NCEH1: variants seen among roughly 807,000 people sequenced by gnomAD.
The protein encoded by NCEH1 is 2-acetyl MAGE hydrolase.
Under a neutral mutation model 25.4 loss-of-function variants are expected in NCEH1, and 9 were observed. That is an observed-to-expected ratio of 0.35 (90% CI 0.21 to 0.62). The LOEUF is 0.62. Among genes scored for constraint, NCEH1 ranks in the 20% least tolerant of loss-of-function variants. NCEH1 has a pLI of 0.72. For synonymous variants in NCEH1, 200 were observed against 199.8 expected (o/e 1.00, Z -0.01); for missense variants, 412 against 501.1 (o/e 0.82, Z 1.70).
chr3:172,701,475 A>G, intron 1 of NCEH1, among the ~76,000 whole-genome samples: 4 of 57,804 alleles, frequency 6.9e-5, no homozygotes, highest in African/African-American at 1.1e-4. Flanking sequence ...TTAAAGACGG[A>G]GTCTCCCTCT....
chr3:172,651,384 A>G (rs1231186274), intron 1 of NCEH1, among the ~76,000 whole-genome samples: 1 of 152,088 alleles, frequency 6.6e-6, no homozygotes, highest in African/African-American at 2.4e-5. Flanking sequence ...TTTTACTCAA[A>G]TATCTTTCCC....
intron 1 of NCEH1, among the ~76,000 whole-genome samples, chr3:172,688,902 C>A (rs1193961663): frequency 2.0e-5 from 3 of 152,176 alleles, no homozygotes. Flanking sequence ...AGCTGACAAT[C>A]CTCACATAAA....
rs1202141373 is a variant in NCEH1 at position 172,632,134 on chromosome 3, T to C, written c.*1341A>G. On this transcript the variant is annotated 3_prime_UTR_variant, in exon 5 of 5. Transcript: ENST00000475381. Reference sequence around the variant, plus strand: ...GACCCTAAAAAGCGGAGATGAGCAGTGTGTGCCTTGCCTAAGCTACTGAAC... The same window carrying C: ...GACCCTAAAAAGCGGAGATGAGCAGCGTGTGCCTTGCCTAAGCTACTGAAC... 1 of 152,418 alleles carries C rather than the reference T, an allele frequency of 6.6e-6. No individual in the cohort carries two copies. Among genetic ancestry groups the C allele is most frequent in the Non-Finnish European group, 1.5e-5 (1 of 68,042 alleles). The allele number at this position is 152,418 out of a possible 1,614,324, so 9.4% of individuals were successfully genotyped here. A position where few individuals can be genotyped will look rare whatever the true frequency, so the allele number is the denominator to read the frequency against.
rs2108499522 is a variant in NCEH1 at position 172,651,743 on chromosome 3, G to A, written c.139-3629C>T. On this transcript the variant is annotated intron_variant, in intron 1 of 4. Coordinates refer to ENST00000475381, the MANE Select transcript of NCEH1 (RefSeq NM_020792.6). Reference sequence around the variant, plus strand: ...CTGGCTACATTTTGTAGTTTTAGTAGAGACAGGGTTTTGCCACATTGGCAA... The same window carrying A: ...CTGGCTACATTTTGTAGTTTTAGTAAAGACAGGGTTTTGCCACATTGGCAA... 1.3e-5 allele frequency among the ~76,000 whole-genome samples: 2 copies of A among 152,188 alleles called. 1 individual carries two copies. Among genetic ancestry groups the A allele is most frequent in the South Asian group, 4.1e-4 (2 of 4,820 alleles).
At chr3:172,708,798 A>T (rs1356133987) in intron 1 of NCEH1, among the ~76,000 whole-genome samples, 2 of 152,230 alleles carry the variant, frequency 1.3e-5, no homozygotes, top group Non-Finnish European at 2.9e-5. Flanking sequence ...GGGGACAACT[A>T]GAAGACTCAC....
intron 1 of NCEH1, among the ~76,000 whole-genome samples, chr3:172,649,366 T>C (rs1007797325): frequency 6.6e-6 from 1 of 152,162 alleles, no homozygotes. Context: ...AATCAAACAA[T>C]GAACAGCTAT....
chr3:172,636,228 A>G (rs1277391194), intron 3 of NCEH1, 141 bp from the exon 4 acceptor site: 2 of 497,034 alleles, frequency 4.0e-6, no homozygotes, highest in Non-Finnish European at 7.0e-6. Context: ...AAAAGAAAAA[A>G]TAATAAAATA....
chr3:172,708,210 A>T (rs1714113244), intron 1 of NCEH1, among the ~76,000 whole-genome samples: 1 of 152,246 alleles, frequency 6.6e-6, no homozygotes, highest in Admixed American at 6.5e-5. Flanking sequence ...ACTAACATTC[A>T]CATTTCTTAA....
At chr3:172,701,756 G>A (rs578257325) in intron 1 of NCEH1, among the ~76,000 whole-genome samples, 7 of 151,420 alleles carry the variant, frequency 4.6e-5, no homozygotes, top group South Asian at 4.2e-4. Flanking sequence ...AAGCGACCAC[G>A]CCTGGCCTAC....
intron 1 of NCEH1, among the ~76,000 whole-genome samples, chr3:172,704,045 G>A (rs73026409): frequency 0.027 from 4,050 of 152,246 alleles, 165 homozygotes; most frequent in African/African-American, 0.091. Flanking sequence ...ATGTTTTAAA[G>A]TTAAATTCAC....
intron 1 of NCEH1, among the ~76,000 whole-genome samples, chr3:172,658,701 A>G (rs1045025346): frequency 6.6e-6 from 1 of 152,204 alleles, no homozygotes; most frequent in Non-Finnish European, 1.5e-5. Context: ...GAGAAATAAA[A>G]GAGCTCACAG....
chr3:172,649,559 C>T (rs1368057228), intron 1 of NCEH1, among the ~76,000 whole-genome samples: 1 of 152,198 alleles, frequency 6.6e-6, no homozygotes, highest in Non-Finnish European at 1.5e-5. Context: ...TGTGTTCACA[C>T]ATGTACTGCA....
chr3:172,637,023 C>T (rs967685982), intron 3 of NCEH1, among the ~76,000 whole-genome samples: 2 of 152,196 alleles, frequency 1.3e-5, no homozygotes, highest in Non-Finnish European at 2.9e-5. Context: ...GAACTGGCTA[C>T]CATTCCTTGA....
intron 1 of NCEH1, among the ~76,000 whole-genome samples, chr3:172,674,880 G>T (rs560504558): frequency 4.6e-5 from 7 of 152,288 alleles, no homozygotes; most frequent in Admixed American, 4.6e-4. Context: ...TATAGCAGGA[G>T]TAATAGTTAC....
At chr3:172,669,122 T>C (rs1718364139) in intron 1 of NCEH1, among the ~76,000 whole-genome samples, 1 of 152,240 alleles carries the variant, frequency 6.6e-6, no homozygotes, top group South Asian at 2.1e-4. Flanking sequence ...GCCTTGGGTC[T>C]AATGTCTTTG....
At chr3:172,702,712 G>A (rs1056388727) in intron 1 of NCEH1, among the ~76,000 whole-genome samples, 2 of 152,296 alleles carry the variant, frequency 1.3e-5, no homozygotes, top group Non-Finnish European at 2.9e-5. Context: ...AGGTAGGCAC[G>A]GTGGCTTATG....
At chr3:172,668,882 A>G (rs905490257) in intron 1 of NCEH1, among the ~76,000 whole-genome samples, 5 of 152,202 alleles carry the variant, frequency 3.3e-5, no homozygotes, top group Admixed American at 3.3e-4. Flanking sequence ...GGTCAGTATG[A>G]TGAAAAATGT....
intron 1 of NCEH1, 87 bp from the exon 2 acceptor site, chr3:172,648,201 T>C (rs1717213889): frequency 6.7e-7 from 1 of 1,485,944 alleles, no homozygotes; most frequent in African/African-American, 1.4e-5. Flanking sequence ...GTGTCTGAAT[T>C]CCTACAAGCA....
chr3:172,689,729 A>T (rs1234223643), intron 1 of NCEH1, among the ~76,000 whole-genome samples: 1 of 143,624 alleles, frequency 7.0e-6, no homozygotes, highest in Non-Finnish European at 1.5e-5. Context: ...ATCTCAAAAT[A>T]AAAAAAAAAG....
Sources: gnomAD v4.1 joint callset for allele counts (sites outside exome capture counted in the v4.1 genomes callset) on GRCh38, gnomAD v4.1.1 for gene constraint, MANE v1.5 for transcripts, NCBI Gene and HGNC (gene_info 2026-07-23, HGNC 2026-07-21) for gene names.